Variants in MOXD1 observed in about 807,000 individuals in gnomAD.
MOXD1 encodes the protein monooxygenase DBH like 1, also known as DBH-like monooxygenase protein 1.
MOXD1 carries 62 observed loss-of-function variants against 66.6 expected under a neutral mutation model. The ratio of observed to expected loss-of-function variants is 0.93; its 90% confidence interval spans 0.76 to 1.15. MOXD1 has a LOEUF of 1.15. Among genes scored for constraint, MOXD1 ranks in the 50% most tolerant of loss-of-function variants. The pLI is 0.00. For synonymous variants in MOXD1, 303 were observed against 281.9 expected (o/e 1.07, Z -0.75); for missense variants, 847 against 754.6 (o/e 1.12, Z -1.44).
rs1775617415 is a variant in MOXD1 at position 132,343,970 on chromosome 6, T to G, written c.664-15376A>C. 2.6e-5 allele frequency among the ~76,000 whole-genome samples: 4 copies of G among 152,216 alleles called. No homozygotes were observed. In the South Asian group the frequency reaches 8.3e-4, roughly 32 times the overall value. On this transcript the variant is annotated intron_variant, in intron 4 of 11. Transcript: ENST00000367963. ...AAAACAAGAAAGTCATATATACATA[T>G]AAGATATATGAAGTTTTTTCTATAT...
chr6:132,323,406 T>C (rs760457075), intron 7 of MOXD1, among the ~76,000 whole-genome samples: 5 of 152,164 alleles, frequency 3.3e-5, no homozygotes, highest in Admixed American at 6.5e-5. Context: ...CAATATCATA[T>C]AATTCATAAA....
chr6:132,390,649 T>G (rs1416425156), intron 1 of MOXD1: 1 of 151,598 alleles, frequency 6.6e-6, no homozygotes, highest in Non-Finnish European at 1.5e-5. Flanking sequence ...CTGAGTACTT[T>G]CCTGAAACAG....
At chr6:132,332,654 C>T (rs1562284792) in intron 4 of MOXD1, among the ~76,000 whole-genome samples, 1 of 152,088 alleles carries the variant, frequency 6.6e-6, no homozygotes, top group Admixed American at 6.6e-5. Flanking sequence ...GGGCCATTGG[C>T]TCAAATGCTT....
intron 10 of MOXD1, among the ~76,000 whole-genome samples, chr6:132,313,269 C>A (rs1333720728): frequency 6.6e-6 from 1 of 152,122 alleles, no homozygotes; most frequent in Non-Finnish European, 1.5e-5. Flanking sequence ...ACCGGGATTG[C>A]ATGTCTTGCT....
chr6:132,366,792 T>C (rs758117280), intron 4 of MOXD1, among the ~76,000 whole-genome samples: 25 of 152,134 alleles, frequency 1.6e-4, no homozygotes, highest in Non-Finnish European at 1.3e-4. Context: ...CAATGTCCAT[T>C]TGACATGTTG....
intron 1 of MOXD1, among the ~76,000 whole-genome samples, chr6:132,381,289 A>T (rs555165089): frequency 3.9e-5 from 6 of 152,250 alleles, no homozygotes; most frequent in African/African-American, 1.4e-4. Context: ...GTTTAACTTA[A>T]TGAGACCAAA....
At chr6:132,315,517 C>G (rs73544093) in intron 10 of MOXD1, 118 bp downstream of exon 10, 1 of 1,195,210 alleles carries the variant, frequency 8.4e-7, no homozygotes, top group Non-Finnish European at 1.2e-6. Context: ...TAAAAGTAAT[C>G]AAATAGAACA....
intron 1 of MOXD1, chr6:132,392,144 A>G: frequency 6.6e-7 from 1 of 1,508,430 alleles, no homozygotes; most frequent in South Asian, 1.3e-5. Flanking sequence ...GGTGTGCTTA[A>G]AAGAAGCACA....
chr6:132,383,636 T>G (rs149430256), intron 1 of MOXD1, among the ~76,000 whole-genome samples: 1 of 152,196 alleles, frequency 6.6e-6, no homozygotes, highest in East Asian at 1.9e-4. Flanking sequence ...TATAGAATCA[T>G]GAAAGATACA....
Position 132,347,219 on chromosome 6 carries a change from C to T in MOXD1, c.664-18625G>A, listed in dbSNP as rs111906799. On this transcript the variant is annotated intron_variant, in intron 4 of 11. Transcript: ENST00000367963. Reference sequence around the variant, plus strand: ...TCTTAGTGGCAGGCTTAGATTTGCACCCTGGTCCAACTGGTTCAAGTTTCA... The same window carrying T: ...TCTTAGTGGCAGGCTTAGATTTGCATCCTGGTCCAACTGGTTCAAGTTTCA... 7.9e-3 allele frequency among the ~76,000 whole-genome samples: 1,200 copies of T among 152,182 alleles called. 23 individuals are homozygous for T. The highest frequency in any genetic ancestry group is 0.028 in the African/African-American group (1,146 of 41,506).
Position 132,328,517 on chromosome 6 carries a change from G to T in MOXD1, c.741C>A (p.Asn247Lys), listed in dbSNP as rs201976411. The change falls in exon 5 of 12, where the codon AAC becomes AAA. Residue 247 changes from asparagine to lysine, a missense_variant. Physicochemically the swap from Asn to Lys is moderately conservative, Grantham distance 94. Coordinates refer to ENST00000367963, the MANE Select transcript of MOXD1 (RefSeq NM_015529.4). The part of the protein sequence containing the change: ...ILLYQCSNNF[N>K]DSVLESGHEC... ...CGTGGCCGGACTCCAGAACGCTGTC[G>T]TTAAAGTTGTTGCTGCACTGATAGA... The T allele has an allele frequency of 2.5e-6, 4 of 1,614,104 alleles. No homozygotes were observed. The highest frequency in any genetic ancestry group is 2.7e-5 in the African/African-American group (2 of 75,016).
chr6:132,343,745 C>T (rs968322426), intron 4 of MOXD1, among the ~76,000 whole-genome samples: 2 of 151,826 alleles, frequency 1.3e-5, no homozygotes, highest in Non-Finnish European at 2.9e-5. Flanking sequence ...TGTCAATAGG[C>T]GATTTGAATA....
intron 7 of MOXD1, 44 bp from the exon 8 acceptor site, chr6:132,322,914 C>T: frequency 2.0e-6 from 3 of 1,496,706 alleles, no homozygotes; most frequent in Non-Finnish European, 2.7e-6. Context: ...CACATTAATG[C>T]ATGTTCAGAC....
intron 10 of MOXD1, among the ~76,000 whole-genome samples, chr6:132,305,166 T>C (rs569467163): frequency 8.5e-5 from 13 of 152,348 alleles, no homozygotes; most frequent in African/African-American, 2.6e-4. Flanking sequence ...CAGACTGTGC[T>C]TTTCCCCTGC....
intron 1 of MOXD1, among the ~76,000 whole-genome samples, chr6:132,388,188 G>T (rs1046219075): frequency 2.0e-5 from 3 of 151,314 alleles, no homozygotes; most frequent in Admixed American, 6.6e-5. Flanking sequence ...ATTATATCTT[G>T]TATTTATTAA....
Position 132,297,868 on chromosome 6 carries a change from C to T in MOXD1, c.1596G>A (p.Lys532=), listed in dbSNP as rs1476086089. Residue 532 remains lysine, a synonymous_variant, in exon 11 of 12, where the codon AAG becomes AAA. Transcript: ENST00000367963. The stretch of plus-strand genomic sequence containing the variant: ...CCAGCTTGTTGAAGGAGAGACCTTC[C>T]TTTTTAGTCCATTTAAACTTATTCA... ...DAMNKFKWTK[K]EGLSFNKLVL... The T allele has an allele frequency of 6.2e-7, 1 of 1,613,416 alleles. No individual in the cohort carries two copies. The highest frequency in any genetic ancestry group is 8.5e-7 in the Non-Finnish European group (1 of 1,179,650).
intron 4 of MOXD1, among the ~76,000 whole-genome samples, chr6:132,371,424 C>T (rs190636713): frequency 2.6e-5 from 4 of 152,188 alleles, no homozygotes; most frequent in Admixed American, 2.6e-4. Context: ...TCCCTAAAGC[C>T]ACTCCCTTTG....
intron 10 of MOXD1, among the ~76,000 whole-genome samples, chr6:132,303,076 CTG>C (rs1434191540): frequency 1.6e-5 from 2 of 127,916 alleles, no homozygotes; most frequent in African/African-American, 7.8e-5. Flanking sequence ...AAAGCTAAAA[CTG>C]TGAACTTTTC....
In MOXD1 at chr6:132,315,753, T is replaced by C; in HGVS notation, c.1390A>G (p.Met464Val). ...TAATAAAGAAGGTATGAGAGACACA[T>C]TTCACTCCTGGTGCTTAGTCCTCCC... The part of the protein sequence containing the change: ...TWGGLSTRSE[M>V]CLSYLLYYPR... The change falls in exon 10 of 12, where the codon ATG becomes GTG. Residue 464 changes from methionine (M) to valine (V), a missense_variant. Coordinates refer to ENST00000367963, the MANE Select transcript of MOXD1 (RefSeq NM_015529.4). The C allele has an allele frequency of 6.2e-7, 1 of 1,613,588 alleles. No individual in the cohort carries two copies. The highest frequency in any genetic ancestry group is 2.2e-5 in the East Asian group (1 of 44,838).
Sources: allele counts gnomAD v4.1 joint callset (sites outside exome capture counted in the v4.1 genomes callset), GRCh38; gene constraint gnomAD v4.1.1; transcripts MANE v1.5; gene names NCBI Gene and HGNC (gene_info 2026-07-23, HGNC 2026-07-21).